ATP2B2: variants seen among roughly 807,000 people sequenced by gnomAD.
ATP2B2 encodes ATPase plasma membrane Ca2+ transporting 2.
ATP2B2 carries 15 observed loss-of-function variants against 120.0 expected under a neutral mutation model. The ratio of observed to expected loss-of-function variants is 0.12; its 90% CI spans 0.08 to 0.19. ATP2B2 has a LOEUF of 0.19. ATP2B2 is among the 10% of genes least tolerant of loss of function. The pLI is 1.00. For missense variants in ATP2B2, 1,045 were observed against 1,719.8 expected (o/e 0.61, Z 6.94); for synonymous variants, 694 against 700.3 (o/e 0.99, Z 0.14).
chr3:10,567,226 T>C (rs1229045219), intron 2 of ATP2B2, among the ~76,000 whole-genome samples: 1 of 152,230 alleles, frequency 6.6e-6, no homozygotes, highest in African/African-American at 2.4e-5. Context: ...CAGAATGCCC[T>C]TTTGGAATTT....
At chr3:10,421,417 A>T (rs2062976644) in intron 2 of ATP2B2, among the ~76,000 whole-genome samples, 1 of 152,146 alleles carries the variant, frequency 6.6e-6, no homozygotes, top group South Asian at 2.1e-4. Context: ...GCAGCAGAGG[A>T]GGTCATGAGT....
At position 10,494,057 on chromosome 3, in the gene ATP2B2, C is replaced by T. The variant is rs1292830520; in HGVS notation, c.-320+11408G>A. On this transcript the variant is annotated intron_variant, in intron 1 of 22. Transcript: ENST00000360273. ...CATCACAAATGCACTGGACACAGAC[C>T]GAGGAGTCTAGGCTTTATCCACTTG... Among the ~76,000 whole-genome samples, 6 of 152,110 alleles carry T rather than the reference C, an allele frequency of 3.9e-5. No individual in the cohort carries two copies. In the South Asian group the frequency reaches 6.2e-4, roughly 16 times the overall value.
chr3:10,406,183 C>A (rs2062404241), intron 3 of ATP2B2, among the ~76,000 whole-genome samples: 1 of 152,204 alleles, frequency 6.6e-6, no homozygotes, highest in Admixed American at 6.5e-5. Context: ...TTTGGGGATG[C>A]TTTTATACCC....
intron 2 of ATP2B2, among the ~76,000 whole-genome samples, chr3:10,600,082 A>C (rs1360803320): frequency 7.3e-6 from 1 of 136,972 alleles, no homozygotes; most frequent in Non-Finnish European, 1.6e-5. Flanking sequence ...GTAGGAGCAC[A>C]GTATTGGAGA....
intron 3 of ATP2B2, among the ~76,000 whole-genome samples, chr3:10,533,192 G>T (rs2067245447): frequency 6.6e-6 from 1 of 152,216 alleles, no homozygotes; most frequent in Admixed American, 6.5e-5. Context: ...CACAGAGGAA[G>T]ACATGGTTGA....
rs373150646 is a variant in ATP2B2 at position 10,340,570 on chromosome 3, C to T, written c.3052G>A (p.Gly1018Ser). The T allele has an allele frequency of 6.2e-6, 10 of 1,614,100 alleles. No homozygotes were observed. Among genetic ancestry groups the T allele is most frequent in the Non-Finnish European group, 6.8e-6 (8 of 1,180,058 alleles). ...FNEINARKIH[G>S]ERNVFDGIFR... ...ATGCCGTCAAAGACATTGCGCTCGC[C>T]GTGGATCTTGCGGGCGTTGATCTCG... is the stretch of plus-strand genomic sequence containing the variant. Residue 1018 changes from glycine (G) to serine (S), a missense_variant, in exon 20 of 23, where the codon GGC (glycine) becomes AGC (serine). Transcript: ENST00000360273. This position sits in a 1 kb window ranked among gnomAD's most constrained non-coding sequence, Gnocchi z 5.0.
At chr3:10,700,144 T>G (rs2125719237) in intron 1 of ATP2B2, among the ~76,000 whole-genome samples, 1 of 152,230 alleles carries the variant, frequency 6.6e-6, no homozygotes, top group Non-Finnish European at 1.5e-5. Context: ...TCTGATGACC[T>G]GGATCCCCCT....
At chr3:10,487,207 C>T (rs2065717349) in intron 1 of ATP2B2, among the ~76,000 whole-genome samples, 1 of 152,102 alleles carries the variant, frequency 6.6e-6, no homozygotes, top group African/African-American at 2.4e-5. Context: ...TTTACACATT[C>T]CTAGCACAGC....
At chr3:10,689,732 C>T (rs983089236) in intron 1 of ATP2B2, among the ~76,000 whole-genome samples, 6 of 152,130 alleles carry the variant, frequency 3.9e-5, no homozygotes, top group Admixed American at 6.5e-5. Flanking sequence ...GTTTGGTTGC[C>T]GGGAAACCAC....
In ATP2B2 at chr3:10,621,296, G is replaced by A. The variant is rs541979369; in HGVS notation, c.-459-1335C>T. ...CATCCCAGAGTTCACAGAGATCCAG[G>A]AGCAGAGTTGCAGGGAACCCACAGC... is the stretch of plus-strand genomic sequence containing the variant. On this transcript the variant is annotated intron_variant, in intron 1 of 21. Transcript: ENST00000646379. 9.0e-4 allele frequency among the ~76,000 whole-genome samples: 137 copies of A among 152,272 alleles called. 1 individual carries two copies. Among genetic ancestry groups the A allele is most frequent in the Admixed American group, 1.8e-3 (27 of 15,310 alleles).
chr3:10,646,124 C>T (rs895533701), intron 1 of ATP2B2, among the ~76,000 whole-genome samples: 2 of 152,004 alleles, frequency 1.3e-5, no homozygotes, highest in Non-Finnish European at 2.9e-5. Context: ...GAGTTCTGGC[C>T]GATATCAATG....
chr3:10,327,496 A>G lies in ATP2B2; in HGVS notation c.*1318T>C, dbSNP rs1719571. ...TCCTCATCCAATATGCCAACAGCTCAGATGCTGCCATTAATAAGGAAACAA... is the reference window on the plus strand; with the variant it reads ...TCCTCATCCAATATGCCAACAGCTCGGATGCTGCCATTAATAAGGAAACAA... On this transcript the variant is annotated 3_prime_UTR_variant, in exon 23 of 23. Coordinates refer to ENST00000360273, the MANE Select transcript of ATP2B2 (RefSeq NM_001001331.4). 28,778 of 152,584 alleles carry G rather than the reference A, an allele frequency of 0.19. 3,021 individuals carry two copies. The highest frequency in any genetic ancestry group is 0.37 in the East Asian group (1,937 of 5,182). The allele number at this position is 152,584 out of a possible 1,614,324, so 9.5% of individuals were successfully genotyped here. A position where few individuals can be genotyped will look rare whatever the true frequency, so the allele number is the denominator to read the frequency against.
At chr3:10,519,065 AC>A (rs1035763976) in intron 3 of ATP2B2, among the ~76,000 whole-genome samples, 60 of 152,322 alleles carry the variant, frequency 3.9e-4, no homozygotes, top group African/African-American at 1.3e-3. Flanking sequence ...TCTTACAACA[AC>A]CCCACAAGGG....
rs1186787343 is a variant in ATP2B2 at position 10,363,170 on chromosome 3, AGTTT to A, written c.1660-3051_1660-3048del. 3.9e-5 allele frequency among the ~76,000 whole-genome samples: 6 copies of A among 152,332 alleles called. No homozygotes were observed. The East Asian group carries it at 9.6e-4, about 24-fold the overall frequency. On this transcript the variant is annotated intron_variant, in intron 12 of 22. Coordinates refer to ENST00000360273, the MANE Select transcript of ATP2B2 (RefSeq NM_001001331.4). ...GGCAGAGCTGCCTCCTCCGTAATTC[AGTTT>A]GTTTCCATGAACTTGAGCTCTGAAA...
At position 10,614,569 on chromosome 3, in the gene ATP2B2, G is replaced by A. The variant is rs570805842; in HGVS notation, c.-415+5348C>T. Among the ~76,000 whole-genome samples the A allele has an allele frequency of 1.3e-4, 20 of 152,318 alleles. No homozygotes were observed. In the East Asian group the frequency reaches 1.7e-3, roughly 13 times the overall value. The stretch of plus-strand genomic sequence containing the variant: ...GAAAAATACATTGAATTGCAGTCTC[G>A]TGACTTGGGTTTTAATCTTTTCTCC... On this transcript the variant is annotated intron_variant, in intron 2 of 21. Coordinates refer to the ATP2B2 transcript ENST00000646379.
At chr3:10,604,212 C>T (rs1402518238) in intron 2 of ATP2B2, among the ~76,000 whole-genome samples, 2 of 152,130 alleles carry the variant, frequency 1.3e-5, no homozygotes, top group Non-Finnish European at 2.9e-5. Context: ...TCTCTCCTCC[C>T]CTCTCACCCC....
chr3:10,470,446 C>G (rs963544996), intron 1 of ATP2B2, among the ~76,000 whole-genome samples: 7 of 152,210 alleles, frequency 4.6e-5, no homozygotes, highest in African/African-American at 1.7e-4. Context: ...CTGAGCCACA[C>G]TGTCCCCAGG....
At chr3:10,345,696 G>C in intron 17 of ATP2B2, 121 bp from the exon 18 acceptor site, 1 of 950,982 alleles carries the variant, frequency 1.1e-6, no homozygotes, top group Non-Finnish European at 1.6e-6. Flanking sequence ...GCCCAGCACA[G>C]CCAGACCACA....
rs547883677 is a variant in ATP2B2 at position 10,328,838 on chromosome 3, G to T, written c.3708C>A (p.Ile1236=). The T allele has an allele frequency of 2.8e-5, 45 of 1,611,984 alleles. No homozygotes were observed. Among genetic ancestry groups the T allele is most frequent in the Admixed American group, 5.0e-5 (3 of 59,962 alleles). Residue 1236 remains isoleucine, a synonymous_variant, in exon 23 of 23, where the codon ATC becomes ATA. Coordinates refer to ENST00000360273, the MANE Select transcript of ATP2B2 (RefSeq NM_001001331.4). ...SATSSSPGSP[I]HSLETSL ...GCTAAAGCGACGTCTCCAGGCTGTGGATGGGGCTCCCTGGACTTGAAGAGG... is the reference window on the plus strand; with the variant it reads ...GCTAAAGCGACGTCTCCAGGCTGTGTATGGGGCTCCCTGGACTTGAAGAGG...
Sources: allele counts gnomAD v4.1 joint callset (sites outside exome capture counted in the v4.1 genomes callset), GRCh38; gene constraint gnomAD v4.1.1; non-coding constraint Gnocchi (gnomAD v3.1); transcripts MANE v1.5; gene names NCBI Gene and HGNC (gene_info 2026-07-23, HGNC 2026-07-21).